Variants in CSMD1 observed in about 807,000 individuals in gnomAD.
CSMD1 encodes the protein CUB and sushi domain-containing protein 1.
CSMD1 carries 213 observed loss-of-function variants against 417.5 expected under a neutral mutation model. The observed-to-expected ratio is 0.51, with a 90% CI of 0.46 to 0.57. The LOEUF (loss-of-function observed/expected upper bound fraction) is 0.57, where lower values mean the gene tolerates loss of function less well. CSMD1 is among the 20% of genes least tolerant of loss of function. The pLI is 0.00. For missense variants in CSMD1, 6,923 were observed against 4,529.7 expected, an observed-to-expected ratio of 1.53 and a Z score of -15.17; for synonymous variants, 2,862 against 1,736.8, an observed-to-expected ratio of 1.65 and a Z score of -16.11.
intron 3 of CSMD1, among the ~76,000 whole-genome samples, chr8:4,260,742 G>T (rs1242031518): frequency 6.6e-6 from 1 of 152,046 alleles, no homozygotes; most frequent in African/African-American, 2.4e-5. Flanking sequence ...ATCATACTTG[G>T]TTTAAACAAT....
At chr8:3,041,179 A>G (rs1487691841) in intron 50 of CSMD1, among the ~76,000 whole-genome samples, 1 of 152,214 alleles carries the variant, frequency 6.6e-6, no homozygotes. Context: ...GGACTTAATA[A>G]AAAGGAAATT....
rs768194785 is a variant in CSMD1 at position 4,031,958 on chromosome 8, A to G, written c.557T>C (p.Ile186Thr). Residue 186 changes from isoleucine (I) to threonine (T), a missense_variant, in exon 4 of 70, where the codon ATC becomes ACC. Physicochemically the swap from Ile to Thr is moderately conservative, Grantham distance 89. Transcript: ENST00000635120. ...CGATGCACCATTTCCTGGGCTGACG[A>G]TGCAGGTCAGGATGGCGTGGCCTTC... The part of the protein sequence containing the change: ...ILEGHAILTC[I>T]VSPGNGASWD... 31 of 1,613,982 alleles carry G rather than the reference A, an allele frequency of 1.9e-5. 1 individual carries two copies. The South Asian group carries it at 3.3e-4, about 17-fold the overall frequency.
At chr8:3,310,081 G>T (rs1399391735) in intron 23 of CSMD1, among the ~76,000 whole-genome samples, 1 of 152,126 alleles carries the variant, frequency 6.6e-6, no homozygotes, top group Non-Finnish European at 1.5e-5. Context: ...CAAAACAAAG[G>T]GATATGCTAA....
chr8:4,402,226 T>G (rs1423229416), intron 3 of CSMD1, among the ~76,000 whole-genome samples: 1 of 152,176 alleles, frequency 6.6e-6, no homozygotes, highest in Admixed American at 6.5e-5. Flanking sequence ...ATCTCTGTTT[T>G]GGGGGCTCAT....
chr8:4,462,788 T>G (rs1451047396), intron 2 of CSMD1, among the ~76,000 whole-genome samples: 1 of 150,138 alleles, frequency 6.7e-6, no homozygotes, highest in East Asian at 1.9e-4. Flanking sequence ...CACAAGAGGG[T>G]ACCCCTTCCT....
chr8:3,819,776 A>G (rs1300121364), intron 5 of CSMD1, among the ~76,000 whole-genome samples: 1 of 152,076 alleles, frequency 6.6e-6, no homozygotes, highest in Non-Finnish European at 1.5e-5. Context: ...TTATATAGAG[A>G]TGTAAGCAAT....
intron 5 of CSMD1, among the ~76,000 whole-genome samples, chr8:3,982,567 G>C (rs1284302776): frequency 6.6e-6 from 1 of 151,880 alleles, no homozygotes; most frequent in Non-Finnish European, 1.5e-5. Flanking sequence ...CTAGAATTAT[G>C]CGCCTAGTCA....
At chr8:4,009,127 A>T (rs2130423052) in intron 4 of CSMD1, among the ~76,000 whole-genome samples, 1 of 152,322 alleles carries the variant, frequency 6.6e-6, no homozygotes, top group East Asian at 1.9e-4. Context: ...CCACTGACTT[A>T]ATCCAAGAAG....
intron 50 of CSMD1, among the ~76,000 whole-genome samples, chr8:3,033,592 C>T (rs1810483208): frequency 2.0e-5 from 3 of 151,828 alleles, no homozygotes; most frequent in South Asian, 2.1e-4. Flanking sequence ...CACACCAGGG[C>T]CTGTCGGGAG....
chr8:4,485,887 A>G (rs1801350942), intron 2 of CSMD1, among the ~76,000 whole-genome samples: 1 of 152,014 alleles, frequency 6.6e-6, no homozygotes, highest in African/African-American at 2.4e-5. Context: ...CTGACCAGGG[A>G]GTAAGAAGTG....
rs549410855 is a variant in CSMD1 at position 4,437,655 on chromosome 8, G to T, written c.303-17590C>A. Among the ~76,000 whole-genome samples the T allele has an allele frequency of 7.9e-5, 12 of 152,314 alleles. 1 individual carries two copies. The South Asian group carries it at 2.5e-3, about 32-fold the overall frequency. Reference sequence around the variant, plus strand: ...CCAGATCCCAGAGTCACACAAAGGAGTTCGTAGAGTTTAACCTAATATTTA... The same window carrying T: ...CCAGATCCCAGAGTCACACAAAGGATTTCGTAGAGTTTAACCTAATATTTA... On this transcript the variant is annotated intron_variant, in intron 2 of 69. Transcript: ENST00000635120.
chr8:3,391,689 G>A (rs930330399), intron 17 of CSMD1, among the ~76,000 whole-genome samples: 3 of 152,186 alleles, frequency 2.0e-5, no homozygotes, highest in Admixed American at 1.3e-4. Context: ...AAGGCCTTCT[G>A]GAGTGAATGC....
At chr8:3,119,044 G>T (rs1329787768) in intron 41 of CSMD1, among the ~76,000 whole-genome samples, 1 of 152,044 alleles carries the variant, frequency 6.6e-6, no homozygotes, top group Non-Finnish European at 1.5e-5. Flanking sequence ...GCCTGGCGTG[G>T]TGGCGGGCGC....
At chr8:3,009,876 A>G (rs1808249131) in intron 52 of CSMD1, among the ~76,000 whole-genome samples, 1 of 152,230 alleles carries the variant, frequency 6.6e-6, no homozygotes, top group African/African-American at 2.4e-5. Context: ...CATCTTAGTG[A>G]ATGACAGCTT....
chr8:3,676,837 G>C (rs756510142), intron 7 of CSMD1, among the ~76,000 whole-genome samples: 4 of 152,124 alleles, frequency 2.6e-5, no homozygotes, highest in Middle Eastern at 3.2e-3. Flanking sequence ...TAAAGGATGA[G>C]TTCATTTCCT....
At chr8:2,949,669 T>A (rs956460978) in intron 67 of CSMD1, among the ~76,000 whole-genome samples, 10 of 97,706 alleles carry the variant, frequency 1.0e-4, no homozygotes, top group African/African-American at 2.7e-4. Flanking sequence ...AACTGCACTT[T>A]CTAAGGGAAC....
chr8:3,865,009 C>A (rs1358019512), intron 5 of CSMD1, among the ~76,000 whole-genome samples: 2 of 152,156 alleles, frequency 1.3e-5, no homozygotes, highest in Non-Finnish European at 2.9e-5. Flanking sequence ...GGTTGAGGTG[C>A]TAGCTAATCT....
At chr8:4,929,891 G>T (rs903941618) in intron 1 of CSMD1, among the ~76,000 whole-genome samples, 1 of 152,182 alleles carries the variant, frequency 6.6e-6, no homozygotes, top group African/African-American at 2.4e-5. Flanking sequence ...AGAATCAGTA[G>T]ATTCTCCAGC....
intron 68 of CSMD1, among the ~76,000 whole-genome samples, chr8:2,946,812 C>G (rs1341673286): frequency 2.0e-5 from 3 of 152,156 alleles, no homozygotes; most frequent in Non-Finnish European, 2.9e-5. Flanking sequence ...AGAGTGTTTT[C>G]CAGAGCAGCT....
Sources: allele counts gnomAD v4.1 joint callset (sites outside exome capture counted in the v4.1 genomes callset), GRCh38; gene constraint gnomAD v4.1.1; transcripts MANE v1.5; gene names NCBI Gene and HGNC (gene_info 2026-07-23, HGNC 2026-07-21).